The following PIK3R6 variants were observed in gnomAD, a reference collection of about 807,000 sequenced individuals.
PIK3R6 encodes phosphoinositide-3-kinase regulatory subunit 6.
Under a neutral mutation model 84.9 loss-of-function variants are expected in PIK3R6, and 91 were observed. The observed-to-expected ratio is 1.07, with a 90% CI of 0.90 to 1.28. The LOEUF (loss-of-function observed/expected upper bound fraction) is 1.28. Ranked by LOEUF, PIK3R6 falls within the 50% of genes most tolerant of loss-of-function variation. The pLI is 0.00. For synonymous variants in PIK3R6, 416 were observed against 411.4 expected (o/e 1.01, Z -0.13); for missense variants, 996 against 985.1 (o/e 1.01, Z -0.15).
intron 1 of PIK3R6, among the ~76,000 whole-genome samples, chr17:8,850,593 T>C (rs2088931304): frequency 6.6e-6 from 1 of 152,174 alleles, no homozygotes; most frequent in Admixed American, 6.5e-5. Flanking sequence ...TCTGCTCCAC[T>C]GTGACCCCAG....
intron 1 of PIK3R6, among the ~76,000 whole-genome samples, chr17:8,865,533 C>G (rs965729407): frequency 6.6e-6 from 1 of 152,122 alleles, no homozygotes; most frequent in Non-Finnish European, 1.5e-5. Context: ...GTTGCCTCCC[C>G]TCTTCTCCCA....
Position 8,833,036 on chromosome 17 carries a change from G to C in PIK3R6, c.655C>G (p.Arg219Gly). The change falls in exon 9 of 20, where the codon CGC (arginine) becomes GGC (glycine). Residue 219 changes from arginine (R) to glycine (G), a missense_variant. By Grantham distance (125) the Arg-to-Gly change is moderately radical. Coordinates refer to ENST00000619866, the MANE Select transcript of PIK3R6 (RefSeq NM_001010855.4). Reference protein sequence around the residue: ...ALHRKLQASPRRTLEHYFHAV... With the variant: ...ALHRKLQASPGRTLEHYFHAV... ...TGGAAATAGTGCTCCAGGGTGCGGC[G>C]AGGGCTGGCCTGTTGGGGAGGGGCG... 1 of 1,593,328 alleles carries C rather than the reference G, an allele frequency of 6.3e-7. No individual in the cohort carries two copies. Among genetic ancestry groups the C allele is most frequent in the South Asian group, 1.1e-5 (1 of 89,342 alleles).
chr17:8,835,272 C>T lies in PIK3R6; in HGVS notation c.645+1G>A, dbSNP rs1396823257. Reference sequence around the variant, plus strand: ...CAAGGGGCTGCAGGCAGGGCCATTACCTGCAGCTTCCTGTGCAGAGCGCCT... The same window carrying T: ...CAAGGGGCTGCAGGCAGGGCCATTATCTGCAGCTTCCTGTGCAGAGCGCCT... On this transcript the variant is annotated splice_donor_variant, in intron 8 of 19. Coordinates refer to ENST00000619866, the MANE Select transcript of PIK3R6 (RefSeq NM_001010855.4). LOFTEE classifies it high-confidence loss of function. 2 of 1,540,726 alleles carry T rather than the reference C, an allele frequency of 1.3e-6. No homozygotes were observed. Among genetic ancestry groups the T allele is most frequent in the South Asian group, 2.4e-5 (2 of 82,708 alleles).
intron 8 of PIK3R6, 108 bp downstream of exon 8, chr17:8,835,165 A>T (rs2088409641): frequency 7.7e-6 from 9 of 1,174,478 alleles, no homozygotes; most frequent in Non-Finnish European, 1.0e-5. Context: ...GATTTGGGGG[A>T]AAAGGTGATG....
intron 8 of PIK3R6, 98 bp downstream of exon 8, chr17:8,835,175 G>A: frequency 8.1e-7 from 1 of 1,241,592 alleles, no homozygotes; most frequent in Non-Finnish European, 1.1e-6. Flanking sequence ...AAAAGGTGAT[G>A]CGAAACAGGA....
intron 2 of PIK3R6, among the ~76,000 whole-genome samples, chr17:8,848,678 T>C (rs1360685448): frequency 1.3e-5 from 2 of 152,312 alleles, no homozygotes; most frequent in East Asian, 3.9e-4. Flanking sequence ...AGTGCCTGAC[T>C]GTATTTAGGA....
chr17:8,830,034 AG>A (rs2088180283), intron 9 of PIK3R6, among the ~76,000 whole-genome samples: 1 of 152,162 alleles, frequency 6.6e-6, no homozygotes, highest in Non-Finnish European at 1.5e-5. Context: ...CTCAACCCTT[AG>A]GGGGTCTTCA....
rs866446372 is a variant in PIK3R6 at position 8,831,200 on chromosome 17, C to T, written c.803-1408G>A. Among the ~76,000 whole-genome samples the T allele has an allele frequency of 1.3e-4, 18 of 141,310 alleles. 1 individual carries two copies. Among genetic ancestry groups the T allele is most frequent in the African/African-American group, 4.1e-4 (15 of 37,034 alleles). The allele number at this position is 141,310 out of a possible 152,430, so 92.7% of individuals were successfully genotyped here. A position where few individuals can be genotyped will look rare whatever the true frequency, so the allele number is the denominator to read the frequency against. ...CAGGGCTTAGCCAGGTGTGGTGGCA[C>T]GTGCCTGTGGTCCCAGCTAGTCGAA... On this transcript the variant is annotated intron_variant, in intron 9 of 19. Transcript: ENST00000619866.
At chr17:8,854,058 A>G (rs1007014952) in intron 1 of PIK3R6, among the ~76,000 whole-genome samples, 2 of 152,136 alleles carry the variant, frequency 1.3e-5, no homozygotes, top group Non-Finnish European at 1.5e-5. Flanking sequence ...GTAGATACAT[A>G]TAAGTCAATT....
chr17:8,851,536 C>A (rs1445273583), intron 1 of PIK3R6, among the ~76,000 whole-genome samples: 12 of 152,110 alleles, frequency 7.9e-5, no homozygotes, highest in African/African-American at 1.7e-4. Flanking sequence ...AAACAAAAAA[C>A]CACAAAATAA....
chr17:8,829,238 AAC>A (rs1201140793), intron 10 of PIK3R6, among the ~76,000 whole-genome samples: 4 of 150,526 alleles, frequency 2.7e-5, no homozygotes, highest in African/African-American at 9.9e-5. Flanking sequence ...GACACACTGA[AAC>A]ACATGCATGC....
chr17:8,865,293 C>A (rs2089380840), intron 1 of PIK3R6, among the ~76,000 whole-genome samples: 1 of 152,212 alleles, frequency 6.6e-6, no homozygotes, highest in African/African-American at 2.4e-5. Context: ...CTCGGACAAG[C>A]TGTTCAGACA....
Position 8,832,907 on chromosome 17 carries a change from C to A in PIK3R6, c.784G>T (p.Ala262Ser), listed in dbSNP as rs746554266. 76 of 1,612,710 alleles carry A rather than the reference C, an allele frequency of 4.7e-5. No individual in the cohort carries two copies. Among genetic ancestry groups the A allele is most frequent in the Non-Finnish European group, 6.3e-5 (74 of 1,179,744 alleles). Residue 262 changes from alanine to serine, a missense_variant, in exon 9 of 20, where the codon GCG becomes TCG. Coordinates refer to ENST00000619866, the MANE Select transcript of PIK3R6 (RefSeq NM_001010855.4). ...CGCTTACCACCGCAGCGCCCCGCCG[C>A]GGGACCCAGCAGCGAGCAGTAAATC... ...EEIYCSLLGP[A>S]AGRCGGDLVQ...
At chr17:8,812,599 G>A (rs1464983314) in intron 18 of PIK3R6, among the ~76,000 whole-genome samples, 1 of 151,958 alleles carries the variant, frequency 6.6e-6, no homozygotes, top group Admixed American at 6.6e-5. Context: ...AACACCAAGA[G>A]GAACCCTCAA....
At chr17:8,809,147 T>C (rs569426797) in intron 18 of PIK3R6, among the ~76,000 whole-genome samples, 3 of 152,172 alleles carry the variant, frequency 2.0e-5, no homozygotes, top group Non-Finnish European at 4.4e-5. Context: ...TGGGGTTCTA[T>C]TTTCAGTCTT....
At chr17:8,863,270 G>C (rs958014023) in intron 1 of PIK3R6, among the ~76,000 whole-genome samples, 1 of 151,934 alleles carries the variant, frequency 6.6e-6, no homozygotes, top group Non-Finnish European at 1.5e-5. Context: ...TATTTATGGG[G>C]TACAAAGTGA....
intron 1 of PIK3R6, among the ~76,000 whole-genome samples, chr17:8,855,154 C>G (rs2089093669): frequency 6.6e-6 from 1 of 151,934 alleles, no homozygotes. Flanking sequence ...GATCGTGCCA[C>G]TGGACTCTAG....
intron 18 of PIK3R6, among the ~76,000 whole-genome samples, chr17:8,805,483 A>G (rs1405742501): frequency 6.6e-6 from 1 of 152,128 alleles, no homozygotes; most frequent in Non-Finnish European, 1.5e-5. Flanking sequence ...TCACCCCGCT[A>G]TGCATAGACT....
At chr17:8,866,095 C>G (rs755091631) in intron 1 of PIK3R6, among the ~76,000 whole-genome samples, 14 of 152,112 alleles carry the variant, frequency 9.2e-5, no homozygotes, top group Non-Finnish European at 1.9e-4. Flanking sequence ...GCATTCCAAT[C>G]CTGTTAATAG....
Sources: allele counts gnomAD v4.1 joint callset (sites outside exome capture counted in the v4.1 genomes callset), GRCh38; gene constraint gnomAD v4.1.1; transcripts MANE v1.5; gene names NCBI Gene and HGNC (gene_info 2026-07-23, HGNC 2026-07-21).